IL1RAPL1: variants seen among roughly 807,000 people sequenced by gnomAD.
IL1RAPL1 encodes interleukin-1 receptor accessory protein-like 1.
IL1RAPL1 carries 3 observed loss-of-function variants against 48.4 expected under a neutral mutation model. The observed-to-expected ratio is 0.06, with a 90% CI of 0.03 to 0.16. The LOEUF (loss-of-function observed/expected upper bound fraction) is 0.16. IL1RAPL1 is among the 10% of genes least tolerant of loss of function. The pLI, the probability that IL1RAPL1 is intolerant of heterozygous loss-of-function variation, is 1.00. For missense variants in IL1RAPL1, 349 were observed against 530.6 expected (o/e 0.66, Z 3.36); for synonymous variants, 185 against 187.7 (o/e 0.99, Z 0.12).
In IL1RAPL1 at chrX:29,100,044, T is replaced by A. The variant is rs747734187; in HGVS notation, c.83-182894T>A. 8.2e-5 allele frequency among the ~76,000 whole-genome samples: 9 copies of A among 109,775 alleles called. No individual in the cohort carries two copies. In the South Asian group the frequency reaches 3.2e-3, roughly 39 times the overall value. On this transcript the variant is annotated intron_variant, in intron 2 of 10. Transcript: ENST00000378993. ...CTGGCCAACATGGTGAAACCCCGTC[T>A]CTATTAAAAATACAAAAATTAGCTG...
At chrX:28,878,423 A>T (rs2147312615) in intron 2 of IL1RAPL1, among the ~76,000 whole-genome samples, 1 of 111,997 alleles carries the variant, frequency 8.9e-6, no homozygotes, top group Admixed American at 9.5e-5. Flanking sequence ...AATGGTCCAG[A>T]AGGCCTCTTA....
intron 2 of IL1RAPL1, among the ~76,000 whole-genome samples, chrX:28,990,283 A>G (rs1925571254): frequency 9.0e-6 from 1 of 111,621 alleles, no homozygotes; most frequent in Non-Finnish European, 1.9e-5. Flanking sequence ...TCTGAGCCCA[A>G]TCCTCCAGCC....
intron 5 of IL1RAPL1, among the ~76,000 whole-genome samples, chrX:29,442,841 C>T (rs919334817): frequency 7.0e-5 from 7 of 99,835 alleles, no homozygotes; most frequent in East Asian, 6.9e-4. Context: ...CTGGGCATCA[C>T]GGCAAGACCC....
chrX:29,576,788 G>T (rs1217431366), intron 5 of IL1RAPL1, among the ~76,000 whole-genome samples: 2 of 110,604 alleles, frequency 1.8e-5, no homozygotes, highest in African/African-American at 3.3e-5. Flanking sequence ...TCCCTTTGTT[G>T]TTCTGCTGAA....
At chrX:28,872,440 T>C (rs1402521110) in intron 2 of IL1RAPL1, among the ~76,000 whole-genome samples, 1 of 112,383 alleles carries the variant, frequency 8.9e-6, no homozygotes, top group Non-Finnish European at 1.9e-5. Context: ...ACATCACTTA[T>C]TTGATTTGAT....
intron 6 of IL1RAPL1, among the ~76,000 whole-genome samples, chrX:29,748,234 TATAATGGACAG>T (rs1470336063): frequency 4.5e-5 from 5 of 112,012 alleles, no homozygotes; most frequent in Non-Finnish European, 9.4e-5. Context: ...TGGCAACTAG[TATAATGGACAG>T]ATCATTCAAA....
At chrX:29,796,486 A>G (rs903032149) in intron 6 of IL1RAPL1, among the ~76,000 whole-genome samples, 2 of 111,514 alleles carry the variant, frequency 1.8e-5, no homozygotes, top group Admixed American at 1.9e-4. Context: ...CAAGCCAGAT[A>G]CCTAAGAGTC....
intron 2 of IL1RAPL1, among the ~76,000 whole-genome samples, chrX:29,142,769 T>C (rs1223937272): frequency 9.0e-6 from 1 of 110,551 alleles, no homozygotes; most frequent in African/African-American, 3.3e-5. Context: ...GGCACTATCT[T>C]GGCTCACTGC....
intron 5 of IL1RAPL1, among the ~76,000 whole-genome samples, chrX:29,482,734 C>T (rs1181275785): frequency 3.6e-5 from 4 of 111,727 alleles, no homozygotes; most frequent in African/African-American, 6.5e-5. Context: ...ACTTTTATTA[C>T]GGGACTTTCC....
chrX:28,615,986 A>G (rs1005048052), intron 1 of IL1RAPL1, among the ~76,000 whole-genome samples: 1 of 112,462 alleles, frequency 8.9e-6, no homozygotes, highest in African/African-American at 3.2e-5. Context: ...TTCACTGATC[A>G]GTGGTCCTTT....
At chrX:29,667,702 G>C (rs1926038129) in intron 5 of IL1RAPL1, among the ~76,000 whole-genome samples, 1 of 112,130 alleles carries the variant, frequency 8.9e-6, no homozygotes, top group African/African-American at 3.2e-5. Context: ...TCTTAGATTT[G>C]TGGGCTGATA....
chrX:29,671,406 A>G (rs1274813013), intron 6 of IL1RAPL1, among the ~76,000 whole-genome samples: 2 of 112,324 alleles, frequency 1.8e-5, no homozygotes, highest in African/African-American at 6.5e-5. Flanking sequence ...GGAAAAAATC[A>G]TATAATGGAA....
rs142919664 is a variant in IL1RAPL1, at chrX:28,726,814, T to G, written c.-24-62506T>G. On this transcript the variant is annotated intron_variant, in intron 1 of 10. Transcript: ENST00000378993. ...TTTAAGATTGGTGAATGGAAGAGTG[T>G]GATTTGACCCCAGAGCTCTAGTGCC... Among the ~76,000 whole-genome samples the G allele has an allele frequency of 4.8e-4, 54 of 111,445 alleles. No individual in the cohort carries two copies. The East Asian group carries it at 0.015, about 31-fold the overall frequency.
chrX:29,688,711 A>G (rs1256649888), intron 6 of IL1RAPL1, among the ~76,000 whole-genome samples: 2 of 102,591 alleles, frequency 1.9e-5, no homozygotes, highest in Non-Finnish European at 2.0e-5. Flanking sequence ...CCCTCATTCA[A>G]TAATTATCAG....
At chrX:29,451,936 T>C (rs2147727246) in intron 5 of IL1RAPL1, among the ~76,000 whole-genome samples, 1 of 112,126 alleles carries the variant, frequency 8.9e-6, no homozygotes, top group Non-Finnish European at 1.9e-5. Flanking sequence ...GCAGCATTGT[T>C]CTAAGACTTT....
chrX:29,536,421 A>G (rs1316215979), intron 5 of IL1RAPL1, among the ~76,000 whole-genome samples: 1 of 111,714 alleles, frequency 9.0e-6, no homozygotes, highest in African/African-American at 3.3e-5. Context: ...CATTGAGGCA[A>G]AAGATTAAGA....
chrX:29,589,995 T>C (rs1038401537), intron 5 of IL1RAPL1, among the ~76,000 whole-genome samples: 2 of 111,127 alleles, frequency 1.8e-5, no homozygotes, highest in African/African-American at 6.6e-5. Flanking sequence ...TATTGAATTA[T>C]GTATGTTTTC....
intron 2 of IL1RAPL1, among the ~76,000 whole-genome samples, chrX:29,001,170 C>T (rs1050229203): frequency 1.3e-4 from 15 of 111,614 alleles, no homozygotes; most frequent in African/African-American, 4.9e-4. Flanking sequence ...TAAAACATAA[C>T]CTATGAGAGA....
chrX:29,781,452 A>G (rs1456648881), intron 6 of IL1RAPL1, among the ~76,000 whole-genome samples: 1 of 112,192 alleles, frequency 8.9e-6, no homozygotes, highest in Non-Finnish European at 1.9e-5. Context: ...TTGTGCCTGA[A>G]TAATAACCAT....
Sources: allele counts gnomAD v4.1 joint callset (sites outside exome capture counted in the v4.1 genomes callset), GRCh38; gene constraint gnomAD v4.1.1; transcripts MANE v1.5; gene names NCBI Gene and HGNC (gene_info 2026-07-23, HGNC 2026-07-21).